The following SLC9A9 variants were observed in gnomAD, a reference collection of about 807,000 sequenced individuals.
The protein encoded by SLC9A9 is solute carrier family 9 member A9.
In SLC9A9, 62 loss-of-function variants were observed where a neutral mutation model predicts 77.8. The observed-to-expected ratio is 0.80, with a 90% CI of 0.65 to 0.98. The LOEUF (loss-of-function observed/expected upper bound fraction) is 0.98, where lower values mean the gene tolerates loss of function less well. SLC9A9 is among the 50% of genes least tolerant of loss of function. SLC9A9 has a pLI of 0.00. For synonymous variants in SLC9A9, 320 were observed against 283.5 expected (o/e 1.13, Z -1.29); for missense variants, 775 against 774.9 (o/e 1.00, Z 0.00).
chr3:143,544,450 A>C (rs920075739), intron 9 of SLC9A9, among the ~76,000 whole-genome samples: 15 of 151,874 alleles, frequency 9.9e-5, no homozygotes, highest in Admixed American at 4.6e-4. Flanking sequence ...GATGGTCTCG[A>C]TCTCCTGACC....
At chr3:143,488,765 T>C (rs2108586953) in intron 11 of SLC9A9, among the ~76,000 whole-genome samples, 1 of 151,958 alleles carries the variant, frequency 6.6e-6, no homozygotes, top group East Asian at 1.9e-4. Context: ...AAGCTGTATA[T>C]AAAATAAAAG....
intron 12 of SLC9A9, among the ~76,000 whole-genome samples, chr3:143,451,232 G>T (rs1397984346): frequency 6.6e-6 from 1 of 151,902 alleles, no homozygotes; most frequent in Non-Finnish European, 1.5e-5. Context: ...TTGCAAAACA[G>T]CTATCTGTAC....
chr3:143,808,373 A>G (rs2008778642), intron 2 of SLC9A9, among the ~76,000 whole-genome samples: 1 of 152,246 alleles, frequency 6.6e-6, no homozygotes, highest in African/African-American at 2.4e-5. Flanking sequence ...CTCATCCTAT[A>G]TTTAAAACCA....
chr3:143,749,068 A>G (rs2108823073), intron 4 of SLC9A9, among the ~76,000 whole-genome samples: 2 of 152,292 alleles, frequency 1.3e-5, no homozygotes, highest in Middle Eastern at 6.8e-3. Flanking sequence ...CTTCATGAAT[A>G]ATACTAATAA....
intron 4 of SLC9A9, among the ~76,000 whole-genome samples, chr3:143,750,961 C>T (rs140846583): frequency 2.0e-5 from 3 of 152,102 alleles, no homozygotes; most frequent in Admixed American, 6.5e-5. Context: ...TGTATTTTTT[C>T]TCTGTTGAAA....
chr3:143,528,947 G>A lies in SLC9A9; in HGVS notation c.1089+23415C>T, dbSNP rs191008947. ...AAGAGGACCAACAATATGAAATAGT[G>A]GAAATGTGAAGCCATCAAGAGCATT... is the stretch of plus-strand genomic sequence containing the variant. On this transcript the variant is annotated intron_variant, in intron 9 of 15. Coordinates refer to ENST00000316549, the MANE Select transcript of SLC9A9 (RefSeq NM_173653.4). Among the ~76,000 whole-genome samples the A allele has an allele frequency of 3.3e-5, 5 of 152,242 alleles. No individual in the cohort carries two copies. In the East Asian group the frequency reaches 9.6e-4, roughly 29 times the overall value.
chr3:143,774,067 C>A (rs2007616349), intron 4 of SLC9A9, among the ~76,000 whole-genome samples: 1 of 151,972 alleles, frequency 6.6e-6, no homozygotes, highest in Non-Finnish European at 1.5e-5. Context: ...AAACAAAAAG[C>A]CAAAAATGCA....
At chr3:143,400,942 G>A (rs2033842154) in intron 12 of SLC9A9, among the ~76,000 whole-genome samples, 1 of 152,012 alleles carries the variant, frequency 6.6e-6, no homozygotes, top group Non-Finnish European at 1.5e-5. Context: ...TCCTGATCGT[G>A]GGTGAAGTAA....
At chr3:143,312,563 T>C (rs2031055662) in intron 14 of SLC9A9, among the ~76,000 whole-genome samples, 1 of 152,246 alleles carries the variant, frequency 6.6e-6, no homozygotes, top group Admixed American at 6.5e-5. Context: ...TCCATCATCC[T>C]GCTTTTCTTT....
rs73007429 is a variant in SLC9A9 at position 143,660,613 on chromosome 3, C to T, written c.650-8253G>A. ...ACAATATGTTTGTGCTGTCTTAATC[C>T]GCTAAGTTTGCGGTAATTTCTCATA... On this transcript the variant is annotated intron_variant, in intron 5 of 15. Transcript: ENST00000316549. Among the ~76,000 whole-genome samples the T allele has an allele frequency of 8.9e-3, 1,349 of 152,274 alleles. 26 individuals carry two copies. Among genetic ancestry groups the T allele is most frequent in the African/African-American group, 0.031 (1,292 of 41,546 alleles).
At chr3:143,559,995 C>T (rs1389931593) in intron 8 of SLC9A9, among the ~76,000 whole-genome samples, 1 of 152,306 alleles carries the variant, frequency 6.6e-6, no homozygotes, top group African/African-American at 2.4e-5. Flanking sequence ...CTTGTCACTC[C>T]CAGGCTTTGC....
chr3:143,811,664 G>T (rs1380444339), intron 2 of SLC9A9: 1 of 453,466 alleles, frequency 2.2e-6, no homozygotes, highest in Non-Finnish European at 4.4e-6. Flanking sequence ...CAGCCAACAT[G>T]GCAAAAAATG....
intron 9 of SLC9A9, among the ~76,000 whole-genome samples, chr3:143,550,254 T>G (rs2036856698): frequency 6.6e-6 from 1 of 152,198 alleles, no homozygotes; most frequent in Non-Finnish European, 1.5e-5. Context: ...CTTTCTCTAC[T>G]CCCACTGCCC....
At chr3:143,847,811 T>C in intron 1 of SLC9A9, 1 of 337,130 alleles carries the variant, frequency 3.0e-6, no homozygotes, top group Non-Finnish European at 5.6e-6. Flanking sequence ...AGAAGGCTGC[T>C]CTTTGTGACT....
intron 9 of SLC9A9, chr3:143,517,849 A>G: frequency 6.3e-7 from 1 of 1,598,204 alleles, no homozygotes; most frequent in Non-Finnish European, 8.5e-7. Flanking sequence ...GGAGTTCACC[A>G]TCGTTTAGGG....
intron 6 of SLC9A9, among the ~76,000 whole-genome samples, chr3:143,622,133 G>A (rs546071117): frequency 0.014 from 2,076 of 152,250 alleles, 41 homozygotes; most frequent in African/African-American, 0.047. Flanking sequence ...CCAAATCTAC[G>A]TCTGACTGGT....
chr3:143,723,532 A>C (rs567820620), intron 4 of SLC9A9, among the ~76,000 whole-genome samples: 4 of 152,326 alleles, frequency 2.6e-5, no homozygotes, highest in African/African-American at 7.2e-5. Flanking sequence ...CACAGTTTTT[A>C]GCCAGAAGGC....
At chr3:143,523,881 G>T (rs575466552) in intron 9 of SLC9A9, among the ~76,000 whole-genome samples, 1 of 151,940 alleles carries the variant, frequency 6.6e-6, no homozygotes, top group Non-Finnish European at 1.5e-5. Flanking sequence ...TTTTAATTCC[G>T]CCATATAAGC....
chr3:143,423,248 TACACAC>T (rs377276883), intron 12 of SLC9A9, among the ~76,000 whole-genome samples: 12,165 of 143,766 alleles, frequency 0.085, 546 homozygotes, highest in East Asian at 0.13. Context: ...CACGCGCGTG[TACACAC>T]ACACACACAC....
Sources: gnomAD v4.1 joint callset for allele counts (sites outside exome capture counted in the v4.1 genomes callset) on GRCh38, gnomAD v4.1.1 for gene constraint, MANE v1.5 for transcripts, NCBI Gene and HGNC (gene_info 2026-07-23, HGNC 2026-07-21) for gene names.